Variants in CHLSN observed in about 807,000 individuals in gnomAD.
CHLSN encodes cholesin.
chr7:991,357 G>A, the CHLSN span, among the ~76,000 whole-genome samples: 1 of 152,196 alleles, frequency 6.6e-6, no homozygotes, highest in Non-Finnish European at 1.5e-5. Flanking sequence ...GGCCCCCCAA[G>A]TTAGGCGGTC....
the CHLSN span, among the ~76,000 whole-genome samples, chr7:1,116,265 G>A: frequency 1.4e-5 from 2 of 138,386 alleles, no homozygotes; most frequent in East Asian, 2.3e-4. Flanking sequence ...CTACGGACCG[G>A]CTTCCATCAC....
chr7:1,010,200 C>CG, the CHLSN span: 13 of 1,509,278 alleles, frequency 8.6e-6, no homozygotes, highest in African/African-American at 1.8e-4. Context: ...GAGACGGGTG[C>CG]GCTGCCTGGG....
At chr7:1,070,339 C>A in the CHLSN span, among the ~76,000 whole-genome samples, 1 of 138,342 alleles carries the variant, frequency 7.2e-6, no homozygotes, top group Non-Finnish European at 1.6e-5. Context: ...CCAGCCGTGC[C>A]GTCCGGGAGG....
At chr7:1,012,870 T>C in the CHLSN span, among the ~76,000 whole-genome samples, 2 of 152,198 alleles carry the variant, frequency 1.3e-5, no homozygotes. Context: ...GGCCGCCCTA[T>C]GCTCGCGCTC....
At chr7:982,973 A>G in the CHLSN span, among the ~76,000 whole-genome samples, 2 of 151,862 alleles carry the variant, frequency 1.3e-5, no homozygotes, top group Admixed American at 1.3e-4. Context: ...TGGATGCCTG[A>G]CCCCAGAGGG....
the CHLSN span, among the ~76,000 whole-genome samples, chr7:1,076,965 G>T: frequency 2.0e-5 from 3 of 152,372 alleles, no homozygotes; most frequent in African/African-American, 7.2e-5. Context: ...CCAGTGTCCA[G>T]TCCGGAGCTC....
the CHLSN span, among the ~76,000 whole-genome samples, chr7:1,051,440 C>T: frequency 2.0e-5 from 3 of 152,358 alleles, no homozygotes; most frequent in Admixed American, 2.0e-4. Context: ...GTCTCCCAGG[C>T]TGGCTGTACA....
the CHLSN span, among the ~76,000 whole-genome samples, chr7:1,064,417 C>A: frequency 6.6e-6 from 1 of 151,996 alleles, no homozygotes; most frequent in Non-Finnish European, 1.5e-5. Context: ...AGGGAGGCTG[C>A]CCCCAGCAGG....
chr7:1,135,748 G>C, the CHLSN span, among the ~76,000 whole-genome samples: 2 of 145,840 alleles, frequency 1.4e-5, no homozygotes, highest in African/African-American at 2.6e-5. Flanking sequence ...CTGGACAACA[G>C]AGTGAGACTC....
the CHLSN span, chr7:989,076 G>A: frequency 8.8e-6 from 4 of 456,146 alleles, no homozygotes; most frequent in African/African-American, 3.9e-5. Flanking sequence ...AGCGCCTCCA[G>A]GGCCCCGCCC....
the CHLSN span, among the ~76,000 whole-genome samples, chr7:1,061,693 G>A: frequency 3.2e-4 from 48 of 152,204 alleles, 1 homozygote; most frequent in South Asian, 9.5e-3. Context: ...TGAGCCACTC[G>A]GGGCAGAAAA....
chr7:1,008,297 C>T, the CHLSN span, among the ~76,000 whole-genome samples: 1 of 151,954 alleles, frequency 6.6e-6, no homozygotes, highest in East Asian at 2.0e-4. Context: ...CTGAAGCCCT[C>T]TCTGTCTACA....
At chr7:1,120,190 C>T in the CHLSN span, among the ~76,000 whole-genome samples, 3 of 152,308 alleles carry the variant, frequency 2.0e-5, no homozygotes, top group Admixed American at 6.5e-5. Context: ...ACCACATACT[C>T]AGTATGACAA....
the CHLSN span, chr7:1,028,862 T>C: frequency 1.4e-6 from 1 of 704,192 alleles, no homozygotes; most frequent in Non-Finnish European, 1.7e-6. Flanking sequence ...GTCTGCCATC[T>C]CCCCAATCTG....
chr7:1,036,565 G>C, the CHLSN span, among the ~76,000 whole-genome samples: 2 of 152,144 alleles, frequency 1.3e-5, no homozygotes, highest in Non-Finnish European at 2.9e-5. Flanking sequence ...CAGGGTGCAG[G>C]GTGTTGATAA....
the CHLSN span, chr7:997,484 C>T: frequency 1.5e-6 from 1 of 683,986 alleles, no homozygotes; most frequent in Non-Finnish European, 2.3e-6. Flanking sequence ...TGATCCCGGC[C>T]CCCACCACCG....
chr7:1,092,632 C>T, the CHLSN span: 1 of 1,612,572 alleles, frequency 6.2e-7, no homozygotes, highest in Non-Finnish European at 8.5e-7. Context: ...CCGCCATGCC[C>T]ACCCCCTCAC....
At chr7:1,021,165 G>A in the CHLSN span, among the ~76,000 whole-genome samples, 1 of 151,692 alleles carries the variant, frequency 6.6e-6, no homozygotes, top group African/African-American at 2.4e-5. Flanking sequence ...TTCTGGTTGG[G>A]GATCACCAGG....
the CHLSN span, chr7:997,708 G>A: frequency 9.3e-6 from 15 of 1,610,998 alleles, no homozygotes; most frequent in South Asian, 7.7e-5. Context: ...TCCAGCTCCC[G>A]CATCAGGGCT....
Sources: gnomAD v4.1 joint callset for allele counts (sites outside exome capture counted in the v4.1 genomes callset) on GRCh38, gnomAD v4.1.1 for gene constraint, MANE v1.5 for transcripts, NCBI Gene and HGNC (gene_info 2026-07-23, HGNC 2026-07-21) for gene names.